Variants in SNED1 observed in about 807,000 individuals in gnomAD.
SNED1 encodes sushi, nidogen and EGF like domains 1.
Under a neutral mutation model 166.7 loss-of-function variants are expected in SNED1, and 81 were observed. The observed-to-expected ratio is 0.49, with a 90% confidence interval of 0.41 to 0.58. The LOEUF is 0.58. Among genes scored for constraint, SNED1 ranks in the 20% least tolerant of loss-of-function variants. The probability of loss-of-function intolerance (pLI) is 0.00; values close to 1 mark genes in which losing one functional copy is unlikely to be tolerated. For missense variants in SNED1, 1,604 were observed against 2,000.2 expected, an observed-to-expected ratio of 0.80 and a Z score of 3.78; for synonymous variants, 762 against 822.0, an observed-to-expected ratio of 0.93 and a Z score of 1.25.
chr2:241,063,900 C>A, intron 18 of SNED1, 112 bp from the exon 19 acceptor site: 1 of 867,830 alleles, frequency 1.2e-6, no homozygotes, highest in Non-Finnish European at 1.8e-6. Context: ...CACTGCCCCT[C>A]TCTCCTGGCC....
chr2:241,000,274 C>G (rs1007200459), intron 1 of SNED1, among the ~76,000 whole-genome samples: 5 of 152,198 alleles, frequency 3.3e-5, no homozygotes, highest in African/African-American at 1.2e-4. Flanking sequence ...CCAACACCAT[C>G]CACAGCGCCC....
chr2:241,082,142 C>G lies in SNED1; in HGVS notation c.4034-135C>G. On this transcript the variant is annotated intron_variant, in intron 28 of 31. Transcript: ENST00000310397. ...AGGAAGCCAGCTGCAGACCCCCGGG[C>G]CCTCTCCCACCATCCCGCCTTGGAG... 4.4e-6 allele frequency: 3 copies of G among 684,192 alleles called. No homozygotes were observed. The Admixed American group carries it at 7.6e-5, about 17-fold the overall frequency. 42.4% of individuals were successfully genotyped at this position (684,192 alleles called of 1,614,324 possible).
intron 8 of SNED1, among the ~76,000 whole-genome samples, chr2:241,042,787 A>G (rs1376166024): frequency 4.6e-5 from 7 of 152,276 alleles, no homozygotes; most frequent in Non-Finnish European, 8.8e-5. Context: ...GAACCTGAAG[A>G]GTGAAACAGA....
chr2:241,085,857 TTTC>T (rs1339425841), intron 29 of SNED1, among the ~76,000 whole-genome samples: 24 of 140,088 alleles, frequency 1.7e-4, no homozygotes, highest in Middle Eastern at 3.6e-3. Context: ...CTTTCTGCGG[TTTC>T]TTTTTTTTTT....
At chr2:241,037,159 C>G in intron 5 of SNED1, 81 bp from the exon 6 acceptor site, 1 of 1,263,612 alleles carries the variant, frequency 7.9e-7, no homozygotes, top group Non-Finnish European at 1.1e-6. Context: ...CCTCCTCCGT[C>G]CCCGGCCCAA....
chr2:241,052,125 C>A lies in SNED1; in HGVS notation c.1937C>A (p.Pro646His). ...ATTGGCAAATACAAGTGTGACTGTC[C>A]CCCAGGCTTCTCCGGGCGGCACTGC... is the stretch of plus-strand genomic sequence containing the variant. ...HYIGKYKCDC[P>H]PGFSGRHCEI... Residue 646 changes from proline to histidine, a missense_variant, in exon 14 of 32, where the codon CCC becomes CAC. Coordinates refer to ENST00000310397, the MANE Select transcript of SNED1 (RefSeq NM_001080437.3). The A allele has an allele frequency of 1.2e-6, 2 of 1,613,826 alleles. No homozygotes were observed. The highest frequency in any genetic ancestry group is 1.7e-6 in the Non-Finnish European group (2 of 1,179,834).
chr2:241,075,904 G>T lies in SNED1; in HGVS notation c.3916+2540G>T, dbSNP rs1163238835. 6.6e-6 allele frequency among the ~76,000 whole-genome samples: 1 copy of T among 151,848 alleles called. No individual in the cohort carries two copies. The highest frequency in any genetic ancestry group is 1.5e-5 in the Non-Finnish European group (1 of 67,966). The stretch of plus-strand genomic sequence containing the variant: ...TACAATTTCATTTTTTATGCATATG[G>T]GTAAACTGGATTTTTCATCTCTTCA... On this transcript the variant is annotated intron_variant, in intron 27 of 31. Transcript: ENST00000310397. The surrounding 1 kb of genome is among the most constrained non-coding windows in gnomAD (Gnocchi z 4.8).
intron 1 of SNED1, among the ~76,000 whole-genome samples, chr2:241,029,034 G>A (rs774566153): frequency 2.6e-5 from 4 of 152,034 alleles, no homozygotes; most frequent in Non-Finnish European, 5.9e-5. Context: ...CTGCCAGTCT[G>A]GGACCCCCTT....
chr2:241,087,442 G>A lies in SNED1; in HGVS notation c.4172G>A (p.Cys1391Tyr). ...VHQDICFKESCESTSLKKTPN... is the reference protein window; with the variant it reads ...VHQDICFKESYESTSLKKTPN... ...CAAGACATCTGCTTCAAAGAGAGCTGTGAAAGCACAAGCCTCAAGAAGACC... is the reference window on the plus strand; with the variant it reads ...CAAGACATCTGCTTCAAAGAGAGCTATGAAAGCACAAGCCTCAAGAAGACC... Residue 1391 changes from cysteine (C) to tyrosine (Y), a missense_variant, in exon 30 of 32, where the codon TGT becomes TAT. Coordinates refer to ENST00000310397, the MANE Select transcript of SNED1 (RefSeq NM_001080437.3). 2.5e-6 allele frequency: 4 copies of A among 1,604,018 alleles called. No individual in the cohort carries two copies. Among genetic ancestry groups the A allele is most frequent in the Non-Finnish European group, 3.4e-6 (4 of 1,175,346 alleles).
rs1446041858 is a variant in SNED1, at chr2:241,069,675, G to A, written c.3308-245G>A. Reference sequence around the variant, plus strand: ...GCGCCAGCTGACGGGCCAGGGCCTGGGGGCTTCACAGGGTGGATCCTAACC... The same window carrying A: ...GCGCCAGCTGACGGGCCAGGGCCTGAGGGCTTCACAGGGTGGATCCTAACC... On this transcript the variant is annotated intron_variant, in intron 23 of 31. Coordinates refer to ENST00000310397, the MANE Select transcript of SNED1 (RefSeq NM_001080437.3). This position sits in a 1 kb window ranked among gnomAD's most constrained non-coding sequence, Gnocchi z 4.9. Among the ~76,000 whole-genome samples, 1 of 151,754 alleles carries A rather than the reference G, an allele frequency of 6.6e-6. No homozygotes were observed. The highest frequency in any genetic ancestry group is 1.5e-5 in the Non-Finnish European group (1 of 68,010).
At chr2:241,008,431 C>T (rs2060288213) in intron 1 of SNED1, among the ~76,000 whole-genome samples, 2 of 152,262 alleles carry the variant, frequency 1.3e-5, no homozygotes. Context: ...ACTCCTTGCA[C>T]TCCTTCTGTC....
At chr2:241,048,616 C>G (rs1287882774) in intron 9 of SNED1, 46 bp from the exon 10 acceptor site, 27 of 1,547,908 alleles carry the variant, frequency 1.7e-5, no homozygotes, top group Non-Finnish European at 2.4e-5. Context: ...AGGGTGCCAT[C>G]TTTCTGCGCC....
chr2:241,065,745 C>A, intron 21 of SNED1, 150 bp downstream of exon 21: 1 of 711,792 alleles, frequency 1.4e-6, no homozygotes, highest in Admixed American at 2.8e-5. Context: ...GTTGGAGGCA[C>A]CGCCCTGCTG....
chr2:241,095,155 C>T lies in SNED1; in HGVS notation c.*3519C>T, dbSNP rs2064336120. ...CTGCTCCATGACCCTATGCTCTTCTCCTCTGGTTCTCGAAGCTGTCTGTAA... is the reference window on the plus strand; with the variant it reads ...CTGCTCCATGACCCTATGCTCTTCTTCTCTGGTTCTCGAAGCTGTCTGTAA... On this transcript the variant is annotated 3_prime_UTR_variant, in exon 32 of 32. Coordinates refer to ENST00000310397, the MANE Select transcript of SNED1 (RefSeq NM_001080437.3). 1 of 150,170 alleles carries T rather than the reference C, an allele frequency of 6.7e-6. No homozygotes were observed. The highest frequency in any genetic ancestry group is 1.5e-5 in the Non-Finnish European group (1 of 67,698). The allele number at this position is 150,170 out of a possible 1,614,324, so 9.3% of individuals were successfully genotyped here.
At position 241,037,404 on chromosome 2, in the gene SNED1, G is replaced by A. The variant is rs556420558; in HGVS notation, c.1045+51G>A. The A allele has an allele frequency of 7.1e-5, 87 of 1,233,410 alleles. 1 individual carries two copies. In the South Asian group the frequency reaches 7.9e-4, roughly 11 times the overall value. 76.4% of individuals were successfully genotyped at this position (1,233,410 alleles called of 1,614,324 possible). A position where few individuals can be genotyped will look rare whatever the true frequency, so the allele number is the denominator to read the frequency against. On this transcript the variant is annotated intron_variant, in intron 6 of 31. Coordinates refer to ENST00000310397, the MANE Select transcript of SNED1 (RefSeq NM_001080437.3). ...GGGGCCCTGCTGGGGGCAGGATAGC[G>A]GGAGACACAGCTGGACAAGGCTGAG...
At position 241,092,244 on chromosome 2, in the gene SNED1, C is replaced by A. The variant is rs1209819282; in HGVS notation, c.*608C>A. 6.6e-6 allele frequency: 1 copy of A among 152,184 alleles called. No individual in the cohort carries two copies. Among genetic ancestry groups the A allele is most frequent in the South Asian group, 2.1e-4 (1 of 4,832 alleles). The allele number at this position is 152,184 out of a possible 1,614,324, so 9.4% of individuals were successfully genotyped here. ...GAGCCATCCTATGGACTAGTTAACA[C>A]TAAGGTGGAGTTCAGACTTTTTTAG... On this transcript the variant is annotated 3_prime_UTR_variant, in exon 32 of 32. Transcript: ENST00000310397. This position sits in a 1 kb window ranked among gnomAD's most constrained non-coding sequence, Gnocchi z 4.6.
chr2:240,998,687 G>C lies in SNED1; in HGVS notation c.-151G>C, dbSNP rs996197103. The C allele has an allele frequency of 6.0e-6, 1 of 167,648 alleles. No homozygotes were observed. The highest frequency in any genetic ancestry group is 2.4e-5 in the African/African-American group (1 of 41,280). 10.4% of individuals were successfully genotyped at this position (167,648 alleles called of 1,614,324 possible). A position where few individuals can be genotyped will look rare whatever the true frequency, so the allele number is the denominator to read the frequency against. ...CGGCGAGAGCGCGGCCCGGCCGAAC[G>C]GGCGCGGGACGCGGAGCCCCCGACG... On this transcript the variant is annotated 5_prime_UTR_variant, in exon 1 of 32. Coordinates refer to ENST00000310397, the MANE Select transcript of SNED1 (RefSeq NM_001080437.3).
In SNED1 at chr2:241,051,922, CT is replaced by C; in HGVS notation, c.1852+63del. On this transcript the variant is annotated intron_variant, in intron 13 of 31. Transcript: ENST00000310397. This position sits in a 1 kb window ranked among gnomAD's most constrained non-coding sequence, Gnocchi z 4.7. ...ACGGGCCAGCCCTGAGCTGGGGCCC[CT>C]GATGCACCCTCCCTGCCAGCTGTGG... is the stretch of plus-strand genomic sequence containing the variant. 2 of 1,476,642 alleles carry C rather than the reference CT, an allele frequency of 1.4e-6. No homozygotes were observed. Among genetic ancestry groups the C allele is most frequent in the Non-Finnish European group, 1.8e-6 (2 of 1,086,008 alleles). 91.5% of individuals were successfully genotyped at this position (1,476,642 alleles called of 1,614,324 possible). A position where few individuals can be genotyped will look rare whatever the true frequency, so the allele number is the denominator to read the frequency against.
intron 21 of SNED1, among the ~76,000 whole-genome samples, chr2:241,066,519 A>C (rs1041869222): frequency 6.6e-6 from 1 of 152,202 alleles, no homozygotes; most frequent in Non-Finnish European, 1.5e-5. Flanking sequence ...CTCTCACCCA[A>C]CATGCCTGTG....
Sources: allele counts gnomAD v4.1 joint callset (sites outside exome capture counted in the v4.1 genomes callset), GRCh38; gene constraint gnomAD v4.1.1; non-coding constraint Gnocchi (gnomAD v3.1); transcripts MANE v1.5; gene names NCBI Gene and HGNC (gene_info 2026-07-23, HGNC 2026-07-21).